CAPN14: variants seen among roughly 807,000 people sequenced by gnomAD.
CAPN14 encodes the protein calpain-14.
Under a neutral mutation model 101.3 loss-of-function variants are expected in CAPN14, and 94 were observed. The ratio of observed to expected loss-of-function variants is 0.93; its 90% CI spans 0.79 to 1.10. CAPN14 has a LOEUF of 1.10. CAPN14 is among the 50% of genes least tolerant of loss of function. The pLI, the probability that CAPN14 is intolerant of heterozygous loss-of-function variation, is 0.00. For missense variants in CAPN14, 837 were observed against 828.4 expected (o/e 1.01, Z -0.13); for synonymous variants, 338 against 317.9 (o/e 1.06, Z -0.67).
intron 16 of CAPN14, among the ~76,000 whole-genome samples, chr2:31,182,224 T>C (rs1035664263): frequency 6.6e-6 from 1 of 151,118 alleles, no homozygotes; most frequent in African/African-American, 2.4e-5. Context: ...CCACAGCCAA[T>C]ATCATACTGA....
Position 31,230,900 on chromosome 2 carries a change from G to C in CAPN14, c.-177+2891C>G, listed in dbSNP as rs1683170623. 6.6e-6 allele frequency among the ~76,000 whole-genome samples: 1 copy of C among 152,104 alleles called. No homozygotes were observed. Among genetic ancestry groups the C allele is most frequent in the Non-Finnish European group, 1.5e-5 (1 of 68,032 alleles). On this transcript the variant is annotated intron_variant and NMD_transcript_variant, in intron 1 of 21. Transcript: ENST00000398824. The surrounding 1 kb of genome is among the most constrained non-coding windows in gnomAD (Gnocchi z 4.3). ...TGTTTAAAGAACTCTTCCTGACTTTGTGGTGATATATATGCAATCTCTATT... is the reference window on the plus strand; with the variant it reads ...TGTTTAAAGAACTCTTCCTGACTTTCTGGTGATATATATGCAATCTCTATT...
intron 15 of CAPN14, among the ~76,000 whole-genome samples, chr2:31,187,017 C>G (rs1213321836): frequency 1.3e-5 from 2 of 152,170 alleles, no homozygotes; most frequent in Non-Finnish European, 2.9e-5. Context: ...CTGATTTATC[C>G]TCTCCAGCTA....
At position 31,201,876 on chromosome 2, in the gene CAPN14, T is replaced by A. The variant is rs1314264638; in HGVS notation, c.537A>T (p.Glu179Asp). ...CGGTTTCTTACTTGGCATAGGCCTT[T>A]TCCAGAAGTGCTCCCCAGAACAAGT... ...YKNLFWGALL[E>D]KAYAKLSGSY... Residue 179 changes from glutamate to aspartate, a missense_variant, in exon 5 of 22, where the codon GAA (glutamate) becomes GAT (aspartate). Glu to Asp is a conservative substitution (Grantham distance 45, BLOSUM62 2). Coordinates refer to ENST00000403897, the MANE Select transcript of CAPN14 (RefSeq NM_001145122.2). 6.4e-7 allele frequency: 1 copy of A among 1,551,668 alleles called. No individual in the cohort carries two copies. The highest frequency in any genetic ancestry group is 2.0e-5 in the Admixed American group (1 of 51,010).
intron 8 of CAPN14, among the ~76,000 whole-genome samples, chr2:31,195,042 G>A (rs960902734): frequency 2.0e-5 from 3 of 152,166 alleles, no homozygotes; most frequent in Admixed American, 2.0e-4. Flanking sequence ...CCTGGCCAGC[G>A]CTACAGGGAG....
chr2:31,210,171 C>T (rs557606803), intron 1 of CAPN14, among the ~76,000 whole-genome samples: 83 of 152,234 alleles, frequency 5.5e-4, no homozygotes, highest in African/African-American at 1.9e-3. Context: ...GGGCCAGGAG[C>T]GGTGGCTCAC....
chr2:31,209,762 CAT>C lies in CAPN14; in HGVS notation c.-52-4265_-52-4264del, dbSNP rs1352352729. Among the ~76,000 whole-genome samples, 3 of 152,172 alleles carry C rather than the reference CAT, an allele frequency of 2.0e-5. No individual in the cohort carries two copies. In the South Asian group the frequency reaches 6.2e-4, roughly 32 times the overall value. ...CAGGATGACAGGAGCCAGCTGTGCA[CAT>C]CTCTTCTCAAGTCTGTATTCCATCA... On this transcript the variant is annotated intron_variant, in intron 1 of 21. Coordinates refer to ENST00000403897, the MANE Select transcript of CAPN14 (RefSeq NM_001145122.2).
Position 31,173,854 on chromosome 2 carries a change from C to A in CAPN14, c.*827G>T, listed in dbSNP as rs1393199756. ...TGGTAGTTCAAAAAATCAGATATAC[C>A]AACCACCCACTGATTGACTCTATAA... On this transcript the variant is annotated 3_prime_UTR_variant, in exon 22 of 22. Transcript: ENST00000403897. The A allele has an allele frequency of 2.6e-5, 4 of 152,040 alleles. No homozygotes were observed. Among genetic ancestry groups the A allele is most frequent in the African/African-American group, 4.8e-5 (2 of 41,370 alleles). 9.4% of individuals were successfully genotyped at this position (152,040 alleles called of 1,614,324 possible).
Position 31,205,495 on chromosome 2 carries a change from T to TCA in CAPN14, c.-49_-48insTG. On this transcript the variant is annotated 5_prime_UTR_variant, in exon 2 of 22. Transcript: ENST00000403897. ...GTGAGTCTTCCTGAGGAGTCTCTGC[T>TCA]GCTCCTGAAATGGAGAGAGGACGGT... 6.9e-7 allele frequency: 1 copy of TCA among 1,439,262 alleles called. No individual in the cohort carries two copies. Among genetic ancestry groups the TCA allele is most frequent in the Non-Finnish European group, 9.6e-7 (1 of 1,045,314 alleles). 89.2% of individuals were successfully genotyped at this position (1,439,262 alleles called of 1,614,324 possible).
chr2:31,202,903 C>T (rs931104841), intron 3 of CAPN14, among the ~76,000 whole-genome samples, 167 bp downstream of exon 3: 4 of 152,198 alleles, frequency 2.6e-5, no homozygotes, highest in Admixed American at 6.5e-5. Context: ...ATAAACTTCA[C>T]GGCAAAGAAC....
Position 31,186,485 on chromosome 2 carries a change from G to T in CAPN14, c.1588C>A (p.His530Asn), listed in dbSNP as rs771820770. 6 of 1,546,574 alleles carry T rather than the reference G, an allele frequency of 3.9e-6. No individual in the cohort carries two copies. In the South Asian group the frequency reaches 7.2e-5, roughly 19 times the overall value. Reference sequence around the variant, plus strand: ...AGTTGAACTGCATTAATCTCTGGATGCTAAATAGAAAGCAGATTGGCAAGA... The same window carrying T: ...AGTTGAACTGCATTAATCTCTGGATTCTAAATAGAAAGCAGATTGGCAAGA... Reference protein sequence around the residue: ...DEFFTKFFEKHPEINAVQLQN... With the variant: ...DEFFTKFFEKNPEINAVQLQN... Residue 530 changes from histidine to asparagine, a missense_variant and splice_region_variant, in exon 16 of 22, where the codon CAT becomes AAT. Transcript: ENST00000403897.
At chr2:31,210,460 C>CATAAAATAAAATAAA (rs10550181) in intron 1 of CAPN14, among the ~76,000 whole-genome samples, 10,868 of 150,608 alleles carry the variant, frequency 0.072, 421 homozygotes, top group South Asian at 0.11. Flanking sequence ...AAAAATAAAA[C>CATAAAATAAAATAAA]ATAAAATAAA....
At chr2:31,212,605 T>C (rs940184300) in intron 1 of CAPN14, among the ~76,000 whole-genome samples, 11 of 152,142 alleles carry the variant, frequency 7.2e-5, no homozygotes, top group African/African-American at 2.4e-4. Flanking sequence ...TCCTAAGAAA[T>C]AGAAAGGAAT....
chr2:31,193,045 T>A lies in CAPN14; in HGVS notation c.1114+86A>T, dbSNP rs908398480. ...TCCTCCCCACTCAGCCAATGCAGAA[T>A]TCGTGCTGCAACCCCCTGTGCAGTC... On this transcript the variant is annotated intron_variant, in intron 10 of 21. Coordinates refer to ENST00000403897, the MANE Select transcript of CAPN14 (RefSeq NM_001145122.2). The A allele has an allele frequency of 3.0e-6, 4 of 1,320,376 alleles. No homozygotes were observed. In the East Asian group the frequency reaches 1.0e-4, roughly 33 times the overall value. 81.8% of individuals were successfully genotyped at this position (1,320,376 alleles called of 1,614,324 possible).
chr2:31,205,502 G>T lies in CAPN14; in HGVS notation c.-52-3C>A. On this transcript the variant is annotated splice_region_variant and splice_polypyrimidine_tract_variant and intron_variant, in intron 1 of 21. Transcript: ENST00000403897. ...TTCCTGAGGAGTCTCTGCTGCTCCT[G>T]AAATGGAGAGAGGACGGTCAGTTTC... 1 of 1,373,422 alleles carries T rather than the reference G, an allele frequency of 7.3e-7. No individual in the cohort carries two copies. Among genetic ancestry groups the T allele is most frequent in the Non-Finnish European group, 1.0e-6 (1 of 985,756 alleles). 85.1% of individuals were successfully genotyped at this position (1,373,422 alleles called of 1,614,324 possible).
In CAPN14 at chr2:31,193,184, T is replaced by G; in HGVS notation, c.1061A>C (p.Glu354Ala). 6.4e-7 allele frequency: 1 copy of G among 1,551,436 alleles called. No homozygotes were observed. The highest frequency in any genetic ancestry group is 1.2e-5 in the South Asian group (1 of 84,046). The change falls in exon 10 of 22, where the codon GAG (glutamate) becomes GCG (alanine). Residue 354 changes from glutamate (E) to alanine (A), a missense_variant. By Grantham distance (107) the Glu-to-Ala change is moderately radical. Coordinates refer to ENST00000403897, the MANE Select transcript of CAPN14 (RefSeq NM_001145122.2). ...AAQKWTYTMR[E>A]GRWEKRSTAG... ...TGTGCTCCGCTTCTCCCATCTCCCC[T>G]CCCGCATGGTGTACGTCCACTTCTG...
intron 15 of CAPN14, among the ~76,000 whole-genome samples, 184 bp from the exon 16 acceptor site, chr2:31,186,669 C>T (rs1288039688): frequency 1.3e-5 from 2 of 152,148 alleles, no homozygotes; most frequent in Non-Finnish European, 2.9e-5. Context: ...CAGTGATTCT[C>T]GAAGGTGCTA....
chr2:31,200,356 G>T, intron 6 of CAPN14, 95 bp downstream of exon 6: 2 of 1,144,330 alleles, frequency 1.7e-6, no homozygotes, highest in Non-Finnish European at 2.5e-6. Context: ...CTGGGTGGAG[G>T]CCCTGAGCCC....
At position 31,178,585 on chromosome 2, in the gene CAPN14, T is replaced by A. The variant is rs1680429950; in HGVS notation, c.1711-6A>T. 1.3e-6 allele frequency: 2 copies of A among 1,523,130 alleles called. No individual in the cohort carries two copies. The highest frequency in any genetic ancestry group is 1.8e-6 in the Non-Finnish European group (2 of 1,133,860). 94.4% of individuals were successfully genotyped at this position (1,523,130 alleles called of 1,614,324 possible). ...ATAGTACCTGATGCATTAAGCTGAT[T>A]AATAGGTTAAGGTAAAAGCTTCCAG... is the stretch of plus-strand genomic sequence containing the variant. On this transcript the variant is annotated splice_region_variant and splice_polypyrimidine_tract_variant and intron_variant, in intron 17 of 21. Coordinates refer to ENST00000403897, the MANE Select transcript of CAPN14 (RefSeq NM_001145122.2).
chr2:31,177,174 T>A (rs1314922438), intron 19 of CAPN14, 32 bp from the exon 20 acceptor site: 3 of 1,472,284 alleles, frequency 2.0e-6, no homozygotes, highest in Non-Finnish European at 2.8e-6. Context: ...GCTGTGGGTA[T>A]TGGGGGCTTG....
Sources: allele counts gnomAD v4.1 joint callset (sites outside exome capture counted in the v4.1 genomes callset), GRCh38; gene constraint gnomAD v4.1.1; non-coding constraint Gnocchi (gnomAD v3.1); transcripts MANE v1.5; gene names NCBI Gene and HGNC (gene_info 2026-07-23, HGNC 2026-07-21).